The following EYA4 variants were observed in gnomAD, a reference collection of about 807,000 sequenced individuals.
EYA4 encodes the protein protein phosphatase EYA4.
EYA4 carries 31 observed loss-of-function variants against 87.9 expected under a neutral mutation model. The observed-to-expected ratio is 0.35, with a 90% CI of 0.27 to 0.48. EYA4 has a LOEUF of 0.48. EYA4 is among the 20% of genes least tolerant of loss of function. The probability of loss-of-function intolerance (pLI) is 0.99; values close to 1 mark genes in which losing one functional copy is unlikely to be tolerated. For synonymous variants in EYA4, 263 were observed against 270.6 expected (o/e 0.97, Z 0.28); for missense variants, 678 against 761.4 (o/e 0.89, Z 1.29).
chr6:133,421,957 TG>T (rs1790259377), intron 3 of EYA4, among the ~76,000 whole-genome samples: 1 of 152,256 alleles, frequency 6.6e-6, no homozygotes, highest in South Asian at 2.1e-4. Flanking sequence ...AACTCTTTTT[TG>T]TTTTTAAACT....
At chr6:133,423,820 G>A (rs1028080283) in intron 3 of EYA4, among the ~76,000 whole-genome samples, 1 of 152,176 alleles carries the variant, frequency 6.6e-6, no homozygotes, top group Non-Finnish European at 1.5e-5. Context: ...ATTGTTACGG[G>A]ATCTTTGGGG....
intron 13 of EYA4, among the ~76,000 whole-genome samples, chr6:133,485,091 G>T (rs1313369683): frequency 6.6e-6 from 1 of 152,148 alleles, no homozygotes. Context: ...TCATAAACTG[G>T]CTTTAAGAGC....
chr6:133,525,289 C>T lies in EYA4; in HGVS notation c.1839+35C>T, dbSNP rs762815892. On this transcript the variant is annotated intron_variant, in intron 19 of 19. Transcript: ENST00000355286. ...CTCAAACAATGTCGGTGTGATACTT[C>T]TAATGCAAGCCTTTTTGTTTGCATT... The T allele has an allele frequency of 6.5e-6, 10 of 1,538,240 alleles. No homozygotes were observed. The East Asian group carries it at 1.1e-4, about 17-fold the overall frequency.
At chr6:133,408,944 A>C (rs1328459402) in intron 3 of EYA4, among the ~76,000 whole-genome samples, 1 of 152,158 alleles carries the variant, frequency 6.6e-6, no homozygotes, top group East Asian at 1.9e-4. Flanking sequence ...CATAGTGAAA[A>C]AAAGAGTTCA....
intron 2 of EYA4, among the ~76,000 whole-genome samples, chr6:133,322,177 T>G (rs756008302): frequency 6.6e-6 from 1 of 152,196 alleles, no homozygotes; most frequent in Admixed American, 6.5e-5. Flanking sequence ...GCATTGATTA[T>G]TGATCAAGTG....
chr6:133,461,200 T>C lies in EYA4; in HGVS notation c.437+20T>C. On this transcript the variant is annotated intron_variant, in intron 7 of 19. Transcript: ENST00000355286. Reference sequence around the variant, plus strand: ...TTCCAAGTAAGTGGTCAGTAGATTCTTGCTTTAAATTGGCAAACATTTATG... The same window carrying C: ...TTCCAAGTAAGTGGTCAGTAGATTCCTGCTTTAAATTGGCAAACATTTATG... The C allele has an allele frequency of 6.4e-7, 1 of 1,559,432 alleles. No homozygotes were observed. Among genetic ancestry groups the C allele is most frequent in the South Asian group, 1.1e-5 (1 of 89,984 alleles).
At chr6:133,499,001 A>C (rs1168784806) in intron 13 of EYA4, among the ~76,000 whole-genome samples, 1 of 152,232 alleles carries the variant, frequency 6.6e-6, no homozygotes, top group Admixed American at 6.5e-5. Flanking sequence ...AAGGGGAAAG[A>C]TCTTGAAAGG....
intron 2 of EYA4, among the ~76,000 whole-genome samples, chr6:133,283,094 G>T (rs1208582453): frequency 2.0e-5 from 3 of 152,034 alleles, no homozygotes; most frequent in East Asian, 3.9e-4. Context: ...AGGAGTTCGA[G>T]ACCAGCCTGG....
intron 10 of EYA4, among the ~76,000 whole-genome samples, chr6:133,467,405 T>C: frequency 6.6e-6 from 1 of 152,086 alleles, no homozygotes; most frequent in Non-Finnish European, 1.5e-5. Context: ...TGAGTAAATA[T>C]ATCTGAGCCC....
chr6:133,331,047 T>C (rs1371240315), intron 2 of EYA4, among the ~76,000 whole-genome samples: 1 of 150,828 alleles, frequency 6.6e-6, no homozygotes, highest in Non-Finnish European at 1.5e-5. Flanking sequence ...TTTTTTTTTT[T>C]TGCACCAGAA....
At chr6:133,515,595 G>GAGAA (rs1263654423) in intron 17 of EYA4, among the ~76,000 whole-genome samples, 160 bp downstream of exon 17, 27 of 139,066 alleles carry the variant, frequency 1.9e-4, no homozygotes, top group Non-Finnish European at 3.9e-4. Context: ...ATGTGCATGA[G>GAGAA]AGAGAGAGAG....
At chr6:133,525,105 C>T in intron 18 of EYA4, 49 bp from the exon 19 acceptor site, 1 of 1,613,546 alleles carries the variant, frequency 6.2e-7, no homozygotes, top group Non-Finnish European at 8.5e-7. Context: ...GAGGAGCATG[C>T]CGCTAACCAG....
intron 3 of EYA4, among the ~76,000 whole-genome samples, chr6:133,382,813 A>G (rs767567286): frequency 3.4e-5 from 5 of 148,860 alleles, no homozygotes; most frequent in Non-Finnish European, 7.4e-5. Flanking sequence ...AAAAAAAACT[A>G]TGATATTTCT....
At chr6:133,303,202 T>C (rs551312169) in intron 2 of EYA4, among the ~76,000 whole-genome samples, 31 of 152,326 alleles carry the variant, frequency 2.0e-4, no homozygotes, top group South Asian at 1.0e-3. Context: ...ATGCTTCTTT[T>C]AACCATATTG....
intron 18 of EYA4, among the ~76,000 whole-genome samples, chr6:133,524,490 A>AG (rs1800455536): frequency 6.6e-6 from 1 of 152,180 alleles, no homozygotes; most frequent in Non-Finnish European, 1.5e-5. Context: ...GTGCAATAAG[A>AG]GGATACCAGT....
In EYA4 at chr6:133,461,793, T is replaced by C. The variant is rs963366171; in HGVS notation, c.438-542T>C. 6.1e-5 allele frequency among the ~76,000 whole-genome samples: 9 copies of C among 148,166 alleles called. No individual in the cohort carries two copies. In the Admixed American group the frequency reaches 6.1e-4, roughly 10 times the overall value. ...GAACATGATGTAAAATGTGGCATGA[T>C]GAAAGGAATGATGTTCCTTTTTTTT... is the stretch of plus-strand genomic sequence containing the variant. On this transcript the variant is annotated intron_variant, in intron 7 of 19. Transcript: ENST00000355286.
intron 3 of EYA4, among the ~76,000 whole-genome samples, chr6:133,384,344 A>G (rs1278399110): frequency 1.3e-5 from 2 of 152,160 alleles, no homozygotes; most frequent in Non-Finnish European, 2.9e-5. Flanking sequence ...CTTAAAATAT[A>G]TTTGTCATTT....
At chr6:133,429,795 AAAAG>A (rs1408235538) in intron 3 of EYA4, among the ~76,000 whole-genome samples, 1 of 152,192 alleles carries the variant, frequency 6.6e-6, no homozygotes, top group African/African-American at 2.4e-5. Flanking sequence ...GAAAGGGAAA[AAAAG>A]AAAGCTGTTT....
chr6:133,412,592 G>A (rs1193046628), intron 3 of EYA4, among the ~76,000 whole-genome samples: 1 of 152,130 alleles, frequency 6.6e-6, no homozygotes, highest in Admixed American at 6.6e-5. Context: ...CTATGTGAGA[G>A]CATGTGTTTG....
Sources: allele counts gnomAD v4.1 joint callset (sites outside exome capture counted in the v4.1 genomes callset), GRCh38; gene constraint gnomAD v4.1.1; transcripts MANE v1.5; gene names NCBI Gene and HGNC (gene_info 2026-07-23, HGNC 2026-07-21).